The following SLC8A1 variants were observed in gnomAD, a reference collection of about 807,000 sequenced individuals.
The protein encoded by SLC8A1 is solute carrier family 8 member A1, also known as sodium/calcium exchanger 1.
In SLC8A1, 18 loss-of-function variants were observed where a neutral mutation model predicts 68.3. The observed-to-expected ratio is 0.26, with a 90% confidence interval of 0.18 to 0.39. The LOEUF is 0.39. Ranked by LOEUF, SLC8A1 falls within the 10% of genes least tolerant of loss-of-function variation. The pLI is 1.00. For synonymous variants in SLC8A1, 475 were observed against 415.5 expected, an observed-to-expected ratio of 1.14 and a Z score of -1.74; for missense variants, 985 against 1,156.7, an observed-to-expected ratio of 0.85 and a Z score of 2.15.
upstream of SLC8A1, among the ~76,000 whole-genome samples, chr2:40,453,663 C>A (rs180704620): frequency 6.6e-6 from 1 of 152,168 alleles, no homozygotes; most frequent in Non-Finnish European, 1.5e-5. Context: ...TTTTAAGATG[C>A]CTGGTTGATT....
chr2:40,473,779 C>A (rs1325969004), intron 1 of SLC8A1, among the ~76,000 whole-genome samples: 1 of 152,082 alleles, frequency 6.6e-6, no homozygotes, highest in Non-Finnish European at 1.5e-5. Context: ...TAGACTTTTC[C>A]TTTTACACAC....
chr2:40,416,267 G>C (rs1036099427), intron 2 of SLC8A1, among the ~76,000 whole-genome samples: 3 of 151,936 alleles, frequency 2.0e-5, no homozygotes, highest in African/African-American at 4.8e-5. Flanking sequence ...ACTTATATAA[G>C]ACACTAAAAC....
chr2:40,106,465 T>G (rs1043177750), exon 8 of SLC8A1: 1 of 151,702 alleles, frequency 6.6e-6, no homozygotes, highest in Non-Finnish European at 1.5e-5. Flanking sequence ...ATAAGAAAGG[T>G]TCTCATAAAA....
chr2:40,437,885 T>G (rs1270924855), intron 1 of SLC8A1, among the ~76,000 whole-genome samples: 2 of 152,142 alleles, frequency 1.3e-5, no homozygotes, highest in Non-Finnish European at 1.5e-5. Context: ...GAGCTTGTAT[T>G]CTAGTGGGGC....
At position 40,173,009 on chromosome 2, in the gene SLC8A1, G is replaced by A. The variant is rs534950957; in HGVS notation, c.1930+1816C>T. On this transcript the variant is annotated intron_variant, in intron 4 of 7. Coordinates refer to ENST00000406785, the Ensembl canonical transcript of SLC8A1. ...TCAAACACGTCAATGTGTTTTTGACGTGTGGCTACAGAGCATCCTAGTAGC... is the reference window on the plus strand; with the variant it reads ...TCAAACACGTCAATGTGTTTTTGACATGTGGCTACAGAGCATCCTAGTAGC... Among the ~76,000 whole-genome samples, 7 of 152,270 alleles carry A rather than the reference G, an allele frequency of 4.6e-5. No homozygotes were observed. The East Asian group carries it at 7.7e-4, about 17-fold the overall frequency.
At chr2:40,504,789 C>T (rs1241744718) in intron 1 of SLC8A1, among the ~76,000 whole-genome samples, 1 of 151,610 alleles carries the variant, frequency 6.6e-6, no homozygotes, top group African/African-American at 2.4e-5. Context: ...ATGGCTTTTA[C>T]ACAACAGACA....
At chr2:40,285,028 T>C (rs1575070477) in intron 2 of SLC8A1, among the ~76,000 whole-genome samples, 3 of 152,128 alleles carry the variant, frequency 2.0e-5, no homozygotes. Context: ...GAATACAGCC[T>C]CTCACACAAT....
chr2:40,353,917 G>C (rs1671892287), intron 2 of SLC8A1, among the ~76,000 whole-genome samples: 1 of 152,156 alleles, frequency 6.6e-6, no homozygotes, highest in South Asian at 2.1e-4. Flanking sequence ...AAAAGGAAAA[G>C]GGAAGTAGAT....
In SLC8A1 at chr2:40,490,926, T is replaced by C. The variant is rs557539563; in HGVS notation, c.-25+21423A>G. ...TCCGCAAATCAGGAATAATGAAGAA[T>C]TGACAAGCAATATTTTCTGAAATCT... On this transcript the variant is annotated intron_variant, in intron 1 of 7. Coordinates refer to the SLC8A1 transcript ENST00000402441. Among the ~76,000 whole-genome samples, 17 of 152,150 alleles carry C rather than the reference T, an allele frequency of 1.1e-4. No individual in the cohort carries two copies. The East Asian group carries it at 2.9e-3, about 26-fold the overall frequency.
intron 2 of SLC8A1, among the ~76,000 whole-genome samples, chr2:40,288,168 T>C (rs1282996655): frequency 1.3e-5 from 2 of 152,086 alleles, no homozygotes; most frequent in Non-Finnish European, 2.9e-5. Context: ...TTTTCATGAA[T>C]TTTCATCTAA....
At chr2:40,369,784 A>C (rs1677436408) in intron 2 of SLC8A1, among the ~76,000 whole-genome samples, 1 of 152,096 alleles carries the variant, frequency 6.6e-6, no homozygotes, top group Admixed American at 6.6e-5. Context: ...TTGAGGAATC[A>C]TCTGTGGTTG....
intron 2 of SLC8A1, among the ~76,000 whole-genome samples, chr2:40,296,048 T>C (rs2070319881): frequency 6.6e-6 from 1 of 152,172 alleles, no homozygotes; most frequent in South Asian, 2.1e-4. Context: ...GAGCTTGTTA[T>C]TGCTCTTGGG....
At chr2:40,150,835 C>T (rs1030739795) in intron 6 of SLC8A1, among the ~76,000 whole-genome samples, 1 of 152,118 alleles carries the variant, frequency 6.6e-6, no homozygotes, top group African/African-American at 2.4e-5. Flanking sequence ...ACCTTTGTTT[C>T]TGGCCTGCCT....
chr2:40,357,517 A>AAAC (rs1673075023), intron 2 of SLC8A1, among the ~76,000 whole-genome samples: 1 of 151,016 alleles, frequency 6.6e-6, no homozygotes, highest in African/African-American at 2.4e-5. Context: ...AAAAAAAAAA[A>AAAC]CACAAGATGT....
At chr2:40,381,744 C>G (rs151303038) in intron 2 of SLC8A1, among the ~76,000 whole-genome samples, 44 of 151,264 alleles carry the variant, frequency 2.9e-4, no homozygotes, top group Non-Finnish European at 5.6e-4. Flanking sequence ...TTCAGGAAAC[C>G]AACCATTGGG....
Position 40,335,200 on chromosome 2 carries a change from A to T in SLC8A1, c.1808+93273T>A, listed in dbSNP as rs1178887770. ...ATTTTCCTACAATTATCATACTACAACTGGCTTTCTTTTCTATCATTTTAG... is the reference window on the plus strand; with the variant it reads ...ATTTTCCTACAATTATCATACTACATCTGGCTTTCTTTTCTATCATTTTAG... On this transcript the variant is annotated intron_variant, in intron 2 of 7. Transcript: ENST00000406785. Among the ~76,000 whole-genome samples the T allele has an allele frequency of 3.3e-5, 5 of 152,344 alleles. No individual in the cohort carries two copies. In the East Asian group the frequency reaches 9.6e-4, roughly 29 times the overall value.
chr2:40,356,900 TA>T (rs920507607), intron 2 of SLC8A1, among the ~76,000 whole-genome samples: 5 of 151,606 alleles, frequency 3.3e-5, no homozygotes, highest in African/African-American at 9.7e-5. Context: ...GCCTCAATTA[TA>T]AAAAAAAATG....
At chr2:40,422,604 T>G (rs938501177) in intron 2 of SLC8A1, among the ~76,000 whole-genome samples, 2 of 152,096 alleles carry the variant, frequency 1.3e-5, no homozygotes, top group Admixed American at 6.5e-5. Context: ...GACAGAGCAA[T>G]AACTCTTGAG....
intron 2 of SLC8A1, chr2:40,178,464 T>C (rs2048873632): frequency 6.2e-7 from 1 of 1,613,436 alleles, no homozygotes; most frequent in Admixed American, 1.7e-5. Context: ...ATACTCCTCA[T>C]CATCAATTAC....
Sources: allele counts gnomAD v4.1 joint callset (sites outside exome capture counted in the v4.1 genomes callset), GRCh38; gene constraint gnomAD v4.1.1; transcripts MANE v1.5; gene names NCBI Gene and HGNC (gene_info 2026-07-23, HGNC 2026-07-21).